MUC7: variants seen among roughly 807,000 people sequenced by gnomAD.
The protein encoded by MUC7 is mucin 7, secreted.
Under a neutral mutation model 2.5 loss-of-function variants are expected in MUC7, and 2 were observed. The ratio of observed to expected loss-of-function variants is 0.81; its 90% CI spans 0.33 to 2.55. MUC7 has a LOEUF of 2.55. Ranked by LOEUF, MUC7 falls within the 30% of genes most tolerant of loss-of-function variation. MUC7 has a pLI of 0.11. For synonymous variants in MUC7, 133 were observed against 173.4 expected (o/e 0.77, Z 1.83); for missense variants, 408 against 455.6 (o/e 0.90, Z 0.95).
rs142531632 is a variant in MUC7, at chr4:70,480,692, C to T, written c.55-107C>T. On this transcript the variant is annotated intron_variant, in intron 2 of 2. Transcript: ENST00000304887. The stretch of plus-strand genomic sequence containing the variant: ...TTGACTCAATAATGTACTCTGGTTT[C>T]TAATCCCAGCATTCCACAAATACCG... The T allele has an allele frequency of 3.2e-4, 387 of 1,190,836 alleles. 4 individuals are homozygous for T. The East Asian group carries it at 9.5e-3, about 29-fold the overall frequency. The allele number at this position is 1,190,836 out of a possible 1,614,324, so 73.8% of individuals were successfully genotyped here. A position where few individuals can be genotyped will look rare whatever the true frequency, so the allele number is the denominator to read the frequency against.
intron 1 of MUC7, among the ~76,000 whole-genome samples, chr4:70,438,429 A>AGTTTTGTTTT (rs751882688): frequency 5.7e-4 from 71 of 124,830 alleles, no homozygotes; most frequent in African/African-American, 1.8e-3. Context: ...CAGGAAATGA[A>AGTTTTGTTTT]GTTTTGTTTT....
chr4:70,462,080 G>A (rs1734570430), intron 1 of MUC7, among the ~76,000 whole-genome samples: 1 of 152,136 alleles, frequency 6.6e-6, no homozygotes, highest in African/African-American at 2.4e-5. Flanking sequence ...CACTCAGGTG[G>A]CAGACACCTG....
chr4:70,463,847 G>A (rs887171673), intron 1 of MUC7, among the ~76,000 whole-genome samples: 19 of 152,308 alleles, frequency 1.2e-4, no homozygotes, highest in African/African-American at 4.3e-4. Flanking sequence ...AAGTCGGCCA[G>A]ATCTTGATCT....
At chr4:70,432,556 T>C (rs1733703217) in intron 1 of MUC7, among the ~76,000 whole-genome samples, 1 of 152,250 alleles carries the variant, frequency 6.6e-6, no homozygotes, top group Non-Finnish European at 1.5e-5. Context: ...TTTTGAGAAA[T>C]GTCTGTTCGT....
intron 1 of MUC7, among the ~76,000 whole-genome samples, chr4:70,446,114 T>G (rs1184773511): frequency 2.6e-5 from 4 of 152,208 alleles, no homozygotes; most frequent in Non-Finnish European, 4.4e-5. Context: ...ATACAGAAGC[T>G]TTTGAATACA....
rs766285832 is a variant in MUC7, at chr4:70,481,258, C to A, written c.514C>A (p.Pro172Thr). The change falls in exon 3 of 3, where the codon CCT becomes ACT. Residue 172 changes from proline (P) to threonine (T), a missense_variant. Around this residue, in one of 3 missense-constraint regions of MUC7, gnomAD observed 225 missense variants for 240.5 expected, o/e 0.94. Coordinates refer to ENST00000304887, the MANE Select transcript of MUC7 (RefSeq NM_152291.3). ...AGACACCACAGCTGCCCCACCCACA[C>A]CTTCTGCAACTACACCAGCTCCACC... is the stretch of plus-strand genomic sequence containing the variant. ...PQDTTAAPPTPSATTPAPPSS... is the reference protein window; with the variant it reads ...PQDTTAAPPTTSATTPAPPSS... 3 of 1,613,626 alleles carry A rather than the reference C, an allele frequency of 1.9e-6. No homozygotes were observed. Among genetic ancestry groups the A allele is most frequent in the Admixed American group, 3.3e-5 (2 of 59,984 alleles).
At chr4:70,470,307 G>C (rs1290198179), upstream of MUC7, among the ~76,000 whole-genome samples, 4 of 152,104 alleles carry the variant, frequency 2.6e-5, no homozygotes, top group Admixed American at 2.6e-4. Flanking sequence ...ACCTAATGTA[G>C]GTGACAGGTT....
chr4:70,447,772 C>T (rs1734181623), intron 1 of MUC7, among the ~76,000 whole-genome samples: 1 of 152,080 alleles, frequency 6.6e-6, no homozygotes, highest in Non-Finnish European at 1.5e-5. Context: ...AAGCATTTAT[C>T]CCTTTGTGTT....
intron 1 of MUC7, among the ~76,000 whole-genome samples, chr4:70,443,228 G>T: frequency 6.7e-6 from 1 of 148,698 alleles, no homozygotes; most frequent in African/African-American, 2.5e-5. Flanking sequence ...TCATTAATTT[G>T]GCCAAAAAAA....
intron 1 of MUC7, among the ~76,000 whole-genome samples, chr4:70,456,785 G>T (rs1056022459): frequency 6.6e-6 from 1 of 152,118 alleles, no homozygotes; most frequent in Non-Finnish European, 1.5e-5. Flanking sequence ...AATAATGTTT[G>T]CACATTCAAA....
chr4:70,476,531 A>C (rs1472668156), intron 2 of MUC7, among the ~76,000 whole-genome samples: 1 of 152,192 alleles, frequency 6.6e-6, no homozygotes, highest in Non-Finnish European at 1.5e-5. Flanking sequence ...AAGGTAGCAC[A>C]GAAATACCTT....
chr4:70,474,419 T>C (rs980621262), intron 2 of MUC7, among the ~76,000 whole-genome samples: 5 of 151,954 alleles, frequency 3.3e-5, no homozygotes, highest in African/African-American at 1.2e-4. Flanking sequence ...ACTCGGAGGC[T>C]GAGGTTGGGA....
At chr4:70,463,955 T>C (rs1734618994) in intron 1 of MUC7, among the ~76,000 whole-genome samples, 1 of 152,158 alleles carries the variant, frequency 6.6e-6, no homozygotes, top group African/African-American at 2.4e-5. Flanking sequence ...GAGATAGTCA[T>C]CCGAAAATAG....
intron 1 of MUC7, among the ~76,000 whole-genome samples, chr4:70,462,369 A>G (rs1346712264): frequency 3.3e-5 from 5 of 152,258 alleles, no homozygotes; most frequent in African/African-American, 1.2e-4. Flanking sequence ...CGTTATTAAG[A>G]AAATTTCAAT....
intron 1 of MUC7, among the ~76,000 whole-genome samples, chr4:70,461,472 TG>T: frequency 6.6e-6 from 1 of 152,304 alleles, no homozygotes; most frequent in East Asian, 1.9e-4. Context: ...TAATATCTTT[TG>T]GGTATACTCT....
chr4:70,461,281 C>A (rs879055367), intron 1 of MUC7, among the ~76,000 whole-genome samples: 1 of 152,176 alleles, frequency 6.6e-6, no homozygotes, highest in Admixed American at 6.5e-5. Context: ...CTTGAACCTG[C>A]GTCAGATCAC....
At chr4:70,433,167 G>A (rs1043199650) in intron 1 of MUC7, among the ~76,000 whole-genome samples, 3 of 152,134 alleles carry the variant, frequency 2.0e-5, no homozygotes, top group Non-Finnish European at 4.4e-5. Flanking sequence ...GTAGCATGAT[G>A]CCTCCAGCTT....
At chr4:70,440,428 T>C (rs1176566999) in intron 1 of MUC7, among the ~76,000 whole-genome samples, 4 of 152,142 alleles carry the variant, frequency 2.6e-5, no homozygotes, top group African/African-American at 9.7e-5. Context: ...TTGTACATCT[T>C]TGAATTCCCC....
intron 1 of MUC7, among the ~76,000 whole-genome samples, chr4:70,446,450 A>G (rs1734141550): frequency 6.6e-6 from 1 of 152,178 alleles, no homozygotes; most frequent in East Asian, 1.9e-4. Flanking sequence ...GTAGCCCCAG[A>G]CATTCTTGGC....
Sources: allele counts gnomAD v4.1 joint callset (sites outside exome capture counted in the v4.1 genomes callset), GRCh38; gene constraint gnomAD v4.1.1; regional missense constraint gnomAD v4.1.1; transcripts MANE v1.5; gene names NCBI Gene and HGNC (gene_info 2026-07-23, HGNC 2026-07-21).